The following SYBU variants were observed in gnomAD, a reference collection of about 807,000 sequenced individuals.
SYBU encodes syntabulin.
In SYBU, 21 loss-of-function variants were observed where a neutral mutation model predicts 35.9. The ratio of observed to expected loss-of-function variants is 0.58; its 90% confidence interval spans 0.41 to 0.84. The LOEUF is 0.84. SYBU is among the 40% of genes least tolerant of loss of function. The probability of loss-of-function intolerance (pLI) is 0.00; values close to 1 mark genes in which losing one functional copy is unlikely to be tolerated. For missense variants in SYBU, 768 were observed against 848.2 expected (o/e 0.91, Z 1.17); for synonymous variants, 319 against 324.3 (o/e 0.98, Z 0.18).
chr8:109,677,034 A>ATGTGTGTGTGTGTG (rs10638682), intron 1 of SYBU, among the ~76,000 whole-genome samples: 1 of 146,086 alleles, frequency 6.8e-6, no homozygotes, highest in Non-Finnish European at 1.5e-5. Context: ...CAGGGTGTTC[A>ATGTGTGTGTGTGTG]TGTGTGTGTG....
chr8:109,640,971 A>G (rs1460181404), intron 2 of SYBU, among the ~76,000 whole-genome samples: 3 of 152,184 alleles, frequency 2.0e-5, no homozygotes, highest in Admixed American at 6.5e-5. Context: ...ATGCAGTGGA[A>G]TGTTAGGTCC....
At chr8:109,676,235 G>T (rs150066958) in intron 1 of SYBU, among the ~76,000 whole-genome samples, 2 of 152,258 alleles carry the variant, frequency 1.3e-5, no homozygotes, top group East Asian at 1.9e-4. Context: ...ACAAGACAAG[G>T]ATACCCTCCG....
chr8:109,634,284 C>A (rs1813968851), intron 2 of SYBU, among the ~76,000 whole-genome samples: 1 of 152,070 alleles, frequency 6.6e-6, no homozygotes, highest in Non-Finnish European at 1.5e-5. Context: ...GTTTTCTTAG[C>A]AAAAAGATCT....
At chr8:109,597,667 G>A (rs1005678950) in intron 3 of SYBU, among the ~76,000 whole-genome samples, 3 of 152,062 alleles carry the variant, frequency 2.0e-5, no homozygotes, top group Admixed American at 1.3e-4. Context: ...TGAGCCATGA[G>A]CATGCCACTG....
At chr8:109,651,448 C>CTTTT (rs535652540) in intron 1 of SYBU, among the ~76,000 whole-genome samples, 9 of 64,466 alleles carry the variant, frequency 1.4e-4, no homozygotes, top group South Asian at 7.2e-4. Context: ...GAAATTGAGA[C>CTTTT]TTTTTTTTTT....
intron 1 of SYBU, among the ~76,000 whole-genome samples, chr8:109,665,267 C>T (rs28490433): frequency 0.011 from 1,740 of 152,224 alleles, 11 homozygotes; most frequent in Middle Eastern, 0.051. Flanking sequence ...GCCAAGCCTT[C>T]AACCTCCAGT....
intron 1 of SYBU, among the ~76,000 whole-genome samples, chr8:109,653,330 T>C (rs1315457962): frequency 1.3e-5 from 2 of 152,214 alleles, no homozygotes; most frequent in African/African-American, 2.4e-5. Context: ...AATTATACTA[T>C]GGCTTTTGAA....
intron 4 of SYBU, among the ~76,000 whole-genome samples, chr8:109,585,554 C>A (rs564965070): frequency 6.6e-5 from 10 of 152,232 alleles, no homozygotes; most frequent in African/African-American, 2.4e-4. Context: ...GGGGTGGCCA[C>A]CATGCCTATG....
chr8:109,633,331 A>G (rs1429344265), intron 2 of SYBU, among the ~76,000 whole-genome samples: 1 of 152,170 alleles, frequency 6.6e-6, no homozygotes, highest in African/African-American at 2.4e-5. Context: ...CAGCTGGTAA[A>G]GAGGCAGAGC....
intron 3 of SYBU, among the ~76,000 whole-genome samples, chr8:109,602,317 G>A (rs1193553107): frequency 6.6e-6 from 1 of 151,788 alleles, no homozygotes; most frequent in Admixed American, 6.6e-5. Context: ...TCAATCAAAT[G>A]AAAAGAACAA....
intron 1 of SYBU, among the ~76,000 whole-genome samples, chr8:109,653,156 T>A (rs1184677925): frequency 4.6e-5 from 7 of 152,196 alleles, no homozygotes; most frequent in African/African-American, 1.7e-4. Flanking sequence ...GTTCATATGG[T>A]CACTACATTA....
chr8:109,657,334 A>C (rs1331889147), intron 1 of SYBU, among the ~76,000 whole-genome samples: 1 of 152,202 alleles, frequency 6.6e-6, no homozygotes, highest in Non-Finnish European at 1.5e-5. Context: ...TTTGAGCAGA[A>C]AATTCTAAGT....
intron 2 of SYBU, among the ~76,000 whole-genome samples, chr8:109,635,548 A>G (rs1814127928): frequency 6.6e-6 from 1 of 152,222 alleles, no homozygotes; most frequent in Non-Finnish European, 1.5e-5. Context: ...CTAAAATTCA[A>G]CAAAGCTTAA....
chr8:109,594,662 G>A (rs1401698281), intron 3 of SYBU, among the ~76,000 whole-genome samples: 2 of 152,040 alleles, frequency 1.3e-5, no homozygotes, highest in Non-Finnish European at 2.9e-5. Flanking sequence ...TCTTCCCTTG[G>A]CAGTGGCACT....
chr8:109,653,758 A>C (rs760254831), intron 1 of SYBU, among the ~76,000 whole-genome samples: 4 of 152,162 alleles, frequency 2.6e-5, no homozygotes, highest in African/African-American at 7.2e-5. Context: ...ACAGACAAAA[A>C]TAGGAGGTAT....
intron 1 of SYBU, among the ~76,000 whole-genome samples, chr8:109,679,012 C>G (rs1393331737): frequency 3.3e-5 from 5 of 152,094 alleles, no homozygotes; most frequent in African/African-American, 1.2e-4. Context: ...TCAAAAAGAC[C>G]TTGCTGATAA....
At chr8:109,643,905 C>G (rs778537826) in intron 1 of SYBU, among the ~76,000 whole-genome samples, 1 of 152,150 alleles carries the variant, frequency 6.6e-6, no homozygotes, top group African/African-American at 2.4e-5. Context: ...TCACCACCAC[C>G]CTGCCTTATG....
chr8:109,605,653 ACC>A (rs1271235972), intron 3 of SYBU, among the ~76,000 whole-genome samples: 1 of 152,226 alleles, frequency 6.6e-6, no homozygotes, highest in Non-Finnish European at 1.5e-5. Flanking sequence ...TAAAATAAGC[ACC>A]AGCAGGCTCA....
chr8:109,663,023 A>G (rs1816620390), intron 1 of SYBU, among the ~76,000 whole-genome samples: 1 of 152,160 alleles, frequency 6.6e-6, no homozygotes, highest in Non-Finnish European at 1.5e-5. Context: ...ATGATATTTA[A>G]ATGGGTCATT....
Sources: gnomAD v4.1 joint callset for allele counts (sites outside exome capture counted in the v4.1 genomes callset) on GRCh38, gnomAD v4.1.1 for gene constraint, MANE v1.5 for transcripts, NCBI Gene and HGNC (gene_info 2026-07-23, HGNC 2026-07-21) for gene names.